Variants in ADAMTS17 observed in about 807,000 individuals in gnomAD.
ADAMTS17 encodes A disintegrin and metalloproteinase with thrombospondin motifs 17.
In ADAMTS17, 113 loss-of-function variants were observed where a neutral mutation model predicts 141.5. The observed-to-expected ratio is 0.80, with a 90% CI of 0.69 to 0.93. The LOEUF (loss-of-function observed/expected upper bound fraction) is 0.93, where lower values mean the gene tolerates loss of function less well. Ranked by LOEUF, ADAMTS17 falls within the 40% of genes least tolerant of loss-of-function variation. The pLI is 0.00. For missense variants in ADAMTS17, 1,659 were observed against 1,517.9 expected, an observed-to-expected ratio of 1.09 and a Z score of -1.54; for synonymous variants, 768 against 630.6, an observed-to-expected ratio of 1.22 and a Z score of -3.27.
At chr15:100,128,722 C>T (rs1321084202) in intron 12 of ADAMTS17, 2 of 152,178 alleles carry the variant, frequency 1.3e-5, no homozygotes, top group African/African-American at 4.8e-5. Flanking sequence ...TATAAGAAAC[C>T]CCATGGCAGG....
chr15:100,318,293 T>C (rs1180401411), intron 3 of ADAMTS17, among the ~76,000 whole-genome samples: 1 of 151,916 alleles, frequency 6.6e-6, no homozygotes, highest in African/African-American at 2.4e-5. Flanking sequence ...TATAGTTTTT[T>C]AATACCAGGT....
intron 15 of ADAMTS17, among the ~76,000 whole-genome samples, chr15:100,063,073 T>G (rs2141666083): frequency 6.6e-6 from 1 of 152,330 alleles, no homozygotes; most frequent in South Asian, 2.1e-4. Context: ...AAGGGATTTA[T>G]CAGAATGGCT....
At chr15:100,010,693 T>C (rs1410208624) in intron 18 of ADAMTS17, among the ~76,000 whole-genome samples, 1 of 152,216 alleles carries the variant, frequency 6.6e-6, no homozygotes, top group East Asian at 1.9e-4. Flanking sequence ...AGCTTTAACA[T>C]GTGCCATGCA....
intron 3 of ADAMTS17, among the ~76,000 whole-genome samples, chr15:100,318,191 G>A (rs1310357886): frequency 1.3e-5 from 2 of 152,026 alleles, no homozygotes; most frequent in Non-Finnish European, 2.9e-5. Flanking sequence ...TGTTTCATGA[G>A]GGGTAAATCA....
intron 4 of ADAMTS17, among the ~76,000 whole-genome samples, chr15:100,272,854 T>C (rs762535099): frequency 6.6e-6 from 1 of 152,002 alleles, no homozygotes; most frequent in Non-Finnish European, 1.5e-5. Context: ...CTTTATAATG[T>C]TGAGGTAGTT....
Position 100,289,460 on chromosome 15 carries a change from G to A in ADAMTS17, c.617-8059C>T, listed in dbSNP as rs149369740. Among the ~76,000 whole-genome samples, 223 of 152,232 alleles carry A rather than the reference G, an allele frequency of 1.5e-3. 3 individuals carry two copies. Among genetic ancestry groups the A allele is most frequent in the Non-Finnish European group, 2.6e-3 (175 of 68,024 alleles). ...AAAAGCATTATGAAATATGAAGGAGGAGGGACTCCTCCCTAACTCATTCTA... is the reference window on the plus strand; with the variant it reads ...AAAAGCATTATGAAATATGAAGGAGAAGGGACTCCTCCCTAACTCATTCTA... On this transcript the variant is annotated intron_variant, in intron 3 of 21. Coordinates refer to ENST00000268070, the MANE Select transcript of ADAMTS17 (RefSeq NM_139057.4).
At chr15:100,266,162 C>T (rs1032186189) in intron 4 of ADAMTS17, among the ~76,000 whole-genome samples, 1 of 152,140 alleles carries the variant, frequency 6.6e-6, no homozygotes, top group Admixed American at 6.5e-5. Flanking sequence ...TGTTAAACTG[C>T]CCCATTTTCC....
At position 100,152,824 on chromosome 15, in the gene ADAMTS17, TTTC is replaced by T. The variant is rs2039240577; in HGVS notation, c.1323-65_1323-63del. 2.7e-5 allele frequency: 41 copies of T among 1,513,550 alleles called. No individual in the cohort carries two copies. The South Asian group carries it at 4.5e-4, about 17-fold the overall frequency. 93.8% of individuals were successfully genotyped at this position (1,513,550 alleles called of 1,614,324 possible). ...ACTGCCTAGGTTTTTTTGTTTTCTT[TTTC>T]TTTTTTTTTTTGAGTTTTCAGTCAC... On this transcript the variant is annotated intron_variant, in intron 9 of 21. Coordinates refer to ENST00000268070, the MANE Select transcript of ADAMTS17 (RefSeq NM_139057.4).
chr15:100,338,404 C>A (rs911527610), intron 2 of ADAMTS17, among the ~76,000 whole-genome samples: 4 of 152,120 alleles, frequency 2.6e-5, no homozygotes, highest in African/African-American at 9.7e-5. Context: ...TCTACTGAGC[C>A]CTTTAGGAGA....
At chr15:100,051,361 G>A (rs547297434) in intron 17 of ADAMTS17, among the ~76,000 whole-genome samples, 4 of 152,348 alleles carry the variant, frequency 2.6e-5, no homozygotes, top group South Asian at 4.1e-4. Context: ...CTGGGCCCCA[G>A]GCAAAGCAGA....
intron 3 of ADAMTS17, among the ~76,000 whole-genome samples, chr15:100,311,377 T>C (rs1417189636): frequency 6.6e-6 from 1 of 152,122 alleles, no homozygotes; most frequent in East Asian, 1.9e-4. Flanking sequence ...GGGGCCACCA[T>C]CCCTCCTCCA....
chr15:100,111,408 G>A (rs1478346598), intron 13 of ADAMTS17, among the ~76,000 whole-genome samples: 1 of 152,238 alleles, frequency 6.6e-6, no homozygotes, highest in Non-Finnish European at 1.5e-5. Context: ...GAGGTGGCTG[G>A]TGGAAGGAGA....
intron 7 of ADAMTS17, among the ~76,000 whole-genome samples, chr15:100,239,708 A>G (rs1467255977): frequency 1.3e-5 from 2 of 152,200 alleles, no homozygotes; most frequent in African/African-American, 4.8e-5. Flanking sequence ...ACTGGAGCAC[A>G]GTCCAGGGCA....
chr15:100,033,123 A>T (rs767199256), intron 18 of ADAMTS17, among the ~76,000 whole-genome samples: 1 of 152,186 alleles, frequency 6.6e-6, no homozygotes, highest in African/African-American at 2.4e-5. Context: ...GGCCCAGTGA[A>T]CAGGGTTGAA....
chr15:100,011,355 C>G (rs1343729599), intron 18 of ADAMTS17, among the ~76,000 whole-genome samples: 15 of 5,576 alleles, frequency 2.7e-3, no homozygotes, highest in Admixed American at 5.5e-3. Flanking sequence ...GGAGGAGGGA[C>G]GGGAGGGAGA....
chr15:100,226,197 G>A (rs2042308812), intron 7 of ADAMTS17, among the ~76,000 whole-genome samples: 2 of 152,270 alleles, frequency 1.3e-5, no homozygotes, highest in South Asian at 4.1e-4. Flanking sequence ...CGTCCTCAGA[G>A]CAGTCATGGT....
intron 18 of ADAMTS17, among the ~76,000 whole-genome samples, chr15:100,001,802 C>T (rs2060928371): frequency 6.6e-6 from 1 of 151,708 alleles, no homozygotes; most frequent in Non-Finnish European, 1.5e-5. Context: ...GAAACCCCAT[C>T]TCTACTAAAA....
chr15:100,090,886 T>A (rs576209490), intron 15 of ADAMTS17, among the ~76,000 whole-genome samples: 49 of 151,478 alleles, frequency 3.2e-4, no homozygotes, highest in Admixed American at 1.6e-3. Context: ...TGCATGCCAG[T>A]AATCTCAGCT....
chr15:100,262,298 G>T, intron 5 of ADAMTS17, 54 bp downstream of exon 5: 2 of 1,530,466 alleles, frequency 1.3e-6, no homozygotes, highest in Non-Finnish European at 1.8e-6. Flanking sequence ...CAGTTGAGAA[G>T]CTCCAGCCCA....
Sources: allele counts gnomAD v4.1 joint callset (sites outside exome capture counted in the v4.1 genomes callset), GRCh38; gene constraint gnomAD v4.1.1; transcripts MANE v1.5; gene names NCBI Gene and HGNC (gene_info 2026-07-23, HGNC 2026-07-21).